Variants in JDP2 observed in about 807,000 individuals in gnomAD.
JDP2 encodes the protein Jun dimerization protein 2, also known as progesterone receptor co-activator.
In JDP2, 9 loss-of-function variants were observed where a neutral mutation model predicts 17.1. The observed-to-expected ratio is 0.53, with a 90% CI of 0.32 to 0.92. JDP2 has a LOEUF of 0.92. JDP2 is among the 40% of genes least tolerant of loss of function. The pLI, the probability that JDP2 is intolerant of heterozygous loss-of-function variation, is 0.04. For synonymous variants in JDP2, 107 were observed against 95.6 expected, an observed-to-expected ratio of 1.12 and a Z score of -0.69; for missense variants, 179 against 220.0, an observed-to-expected ratio of 0.81 and a Z score of 1.18.
intron 1 of JDP2, 95 bp from the exon 2 acceptor site, chr14:75,437,803 T>G (rs868380698): frequency 2.5e-6 from 2 of 797,234 alleles, no homozygotes; most frequent in Middle Eastern, 3.9e-4. Context: ...GGAACATTGG[T>G]GAAAGAAGCC....
At chr14:75,437,808 G>A (rs1013754579) in intron 1 of JDP2, 90 bp from the exon 2 acceptor site, 12 of 843,454 alleles carry the variant, frequency 1.4e-5, no homozygotes, top group Non-Finnish European at 2.1e-5. Flanking sequence ...ATTGGTGAAA[G>A]AAGCCACAGT....
intron 2 of JDP2, among the ~76,000 whole-genome samples, chr14:75,458,697 C>G (rs1886220776): frequency 6.6e-6 from 1 of 152,142 alleles, no homozygotes. Context: ...AATGAGATTG[C>G]TGGATTGAAT....
intron 2 of JDP2, chr14:75,445,019 A>G (rs757468339): frequency 2.5e-6 from 2 of 793,842 alleles, no homozygotes; most frequent in Non-Finnish European, 3.1e-6. Flanking sequence ...TCAACCAACA[A>G]TCTTTTAGCA....
intron 3 of JDP2, among the ~76,000 whole-genome samples, chr14:75,468,460 G>A (rs1366036382): frequency 6.6e-6 from 1 of 152,174 alleles, no homozygotes; most frequent in East Asian, 1.9e-4. Context: ...TTCAGATGCT[G>A]TTTTACTGTT....
intron 1 of JDP2, among the ~76,000 whole-genome samples, chr14:75,431,204 C>T (rs1203323528): frequency 6.6e-6 from 1 of 152,196 alleles, no homozygotes; most frequent in Non-Finnish European, 1.5e-5. Context: ...CTCTTGCTGC[C>T]TGGGTTAAAG....
intron 1 of JDP2, among the ~76,000 whole-genome samples, chr14:75,432,915 T>G (rs1405464035): frequency 6.6e-6 from 1 of 151,942 alleles, no homozygotes; most frequent in Non-Finnish European, 1.5e-5. Context: ...AAAAAAAGAT[T>G]TAAGGACCGG....
intron 2 of JDP2, among the ~76,000 whole-genome samples, chr14:75,453,689 A>G (rs536200984): frequency 1.9e-4 from 29 of 152,332 alleles, no homozygotes; most frequent in African/African-American, 6.7e-4. Context: ...GCCCAGGAGC[A>G]CACAGCTGGT....
At chr14:75,457,336 CCAA>C (rs1886157571) in intron 2 of JDP2, among the ~76,000 whole-genome samples, 1 of 152,214 alleles carries the variant, frequency 6.6e-6, no homozygotes, top group South Asian at 2.1e-4. Context: ...CGAAGGAGCC[CCAA>C]GAAGGGCTGG....
chr14:75,427,561 A>C (rs559767858), upstream of JDP2: 11 of 152,954 alleles, frequency 7.2e-5, no homozygotes, highest in Admixed American at 6.5e-5. The surrounding 1 kb of genome is among the most constrained non-coding windows in gnomAD (Gnocchi z 4.4). Flanking sequence ...ACTGAGGTAC[A>C]TGGTTAACAC....
rs1156629066 is a variant in JDP2, at chr14:75,428,205, C to G, written c.-71C>G. 1.4e-5 allele frequency: 2 copies of G among 145,930 alleles called. No individual in the cohort carries two copies. Among genetic ancestry groups the G allele is most frequent in the Non-Finnish European group, 3.0e-5 (2 of 65,654 alleles). 9.0% of individuals were successfully genotyped at this position (145,930 alleles called of 1,614,324 possible). ...CGCGGAGCGGGCACGGCGCCTGCAG[C>G]CGGGCCCCGGCCCCGGGGGCGCCGC... On this transcript the variant is annotated 5_prime_UTR_variant, in exon 1 of 4. Coordinates refer to ENST00000651602, the MANE Select transcript of JDP2 (RefSeq NM_001135048.2). The surrounding 1 kb of genome is among the most constrained non-coding windows in gnomAD (Gnocchi z 5.6).
At chr14:75,453,445 C>T (rs145019728) in intron 2 of JDP2, among the ~76,000 whole-genome samples, 6 of 152,328 alleles carry the variant, frequency 3.9e-5, no homozygotes, top group East Asian at 1.9e-4. Flanking sequence ...CCTCCCTCTC[C>T]GCAGTACTCC....
At chr14:75,440,977 A>G (rs1400675710) in intron 2 of JDP2, among the ~76,000 whole-genome samples, 3 of 152,056 alleles carry the variant, frequency 2.0e-5, no homozygotes, top group Admixed American at 1.3e-4. Flanking sequence ...ATGCCTCTAT[A>G]CCCCTTCCAG....
intron 1 of JDP2, among the ~76,000 whole-genome samples, chr14:75,437,126 G>A (rs1208928566): frequency 3.3e-5 from 5 of 150,860 alleles, no homozygotes; most frequent in African/African-American, 9.8e-5. Context: ...CCCAGGAGGC[G>A]GAGGTTGCAG....
intron 1 of JDP2, among the ~76,000 whole-genome samples, chr14:75,434,037 A>C (rs951614348): frequency 1.3e-5 from 2 of 152,156 alleles, no homozygotes; most frequent in African/African-American, 4.8e-5. Flanking sequence ...TGGAACAACC[A>C]GTGTGGGAGA....
chr14:75,445,150 C>T, intron 2 of JDP2: 1 of 985,266 alleles, frequency 1.0e-6, no homozygotes, highest in Non-Finnish European at 1.2e-6. Flanking sequence ...TGAGGCTCAT[C>T]TGGCTGAACA....
At chr14:75,433,665 C>T (rs1404026573) in intron 1 of JDP2, among the ~76,000 whole-genome samples, 1 of 151,216 alleles carries the variant, frequency 6.6e-6, no homozygotes, top group Non-Finnish European at 1.5e-5. Flanking sequence ...TTAGGGTCCA[C>T]GGTGACCTTC....
intron 1 of JDP2, among the ~76,000 whole-genome samples, chr14:75,433,418 G>T (rs191355148): frequency 6.6e-6 from 1 of 151,114 alleles, no homozygotes; most frequent in Non-Finnish European, 1.5e-5. Context: ...CTTCATGTTA[G>T]TATCTCCCAG....
Position 75,472,108 on chromosome 14 carries a change from G to C in JDP2, c.*2633G>C, listed in dbSNP as rs1886826584. On this transcript the variant is annotated 3_prime_UTR_variant, in exon 4 of 4. Coordinates refer to ENST00000651602, the MANE Select transcript of JDP2 (RefSeq NM_001135048.2). ...ACCAGGACCACTGGCTGCTCCTGTG[G>C]CTAGAAGTCACAATTATAGGCTTCA... The C allele has an allele frequency of 6.6e-6, 1 of 152,240 alleles. No homozygotes were observed. The highest frequency in any genetic ancestry group is 1.5e-5 in the Non-Finnish European group (1 of 68,076). The allele number at this position is 152,240 out of a possible 1,614,324, so 9.4% of individuals were successfully genotyped here.
At chr14:75,445,855 C>T (rs2139966305) in intron 2 of JDP2, among the ~76,000 whole-genome samples, 1 of 151,970 alleles carries the variant, frequency 6.6e-6, no homozygotes, top group South Asian at 2.1e-4. Context: ...TCAAAGGACA[C>T]AAAGTAAAAA....
Sources: allele counts gnomAD v4.1 joint callset (sites outside exome capture counted in the v4.1 genomes callset), GRCh38; gene constraint gnomAD v4.1.1; non-coding constraint Gnocchi (gnomAD v3.1); transcripts MANE v1.5; gene names NCBI Gene and HGNC (gene_info 2026-07-23, HGNC 2026-07-21).